The following SKAP2 variants were observed in gnomAD, a reference collection of about 807,000 sequenced individuals.
SKAP2 encodes src kinase associated phosphoprotein 2.
Under a neutral mutation model 54.9 loss-of-function variants are expected in SKAP2, and 28 were observed. The ratio of observed to expected loss-of-function variants is 0.51; its 90% CI spans 0.38 to 0.70. SKAP2 has a LOEUF of 0.70. SKAP2 is among the 30% of genes least tolerant of loss of function. SKAP2 has a pLI of 0.00. For synonymous variants in SKAP2, 137 were observed against 134.3 expected (o/e 1.02, Z -0.14); for missense variants, 356 against 424.1 (o/e 0.84, Z 1.41).
chr7:26,821,094 G>A (rs1056612812), intron 4 of SKAP2, among the ~76,000 whole-genome samples: 1 of 149,108 alleles, frequency 6.7e-6, no homozygotes, highest in African/African-American at 2.5e-5. Flanking sequence ...ATTTACTCAT[G>A]ACATGATGAA....
In SKAP2 at chr7:26,766,818, C is replaced by T. The variant is rs142073867; in HGVS notation, c.308-26854G>A. On this transcript the variant is annotated intron_variant, in intron 4 of 12. Transcript: ENST00000345317. ...CAGCCTTGCATCCCAGGGATGAAGC[C>T]GACTTGATCATGGTGGATAAGCTTT... Among the ~76,000 whole-genome samples, 239 of 152,194 alleles carry T rather than the reference C, an allele frequency of 1.6e-3. 2 individuals carry two copies. Among genetic ancestry groups the T allele is most frequent in the African/African-American group, 4.9e-3 (203 of 41,534 alleles).
intron 10 of SKAP2, among the ~76,000 whole-genome samples, chr7:26,688,077 T>C (rs1786687885): frequency 6.6e-6 from 1 of 151,940 alleles, no homozygotes; most frequent in Non-Finnish European, 1.5e-5. Context: ...CAAGAAGAGA[T>C]CATTGGGCAA....
At chr7:26,730,048 T>G (rs200824468) in intron 6 of SKAP2, among the ~76,000 whole-genome samples, 1 of 152,164 alleles carries the variant, frequency 6.6e-6, no homozygotes, top group Non-Finnish European at 1.5e-5. Flanking sequence ...CTCTTTCTAA[T>G]AGCTTTTGCA....
At chr7:26,842,029 T>A (rs534068303) in intron 4 of SKAP2, among the ~76,000 whole-genome samples, 1 of 151,960 alleles carries the variant, frequency 6.6e-6, no homozygotes, top group South Asian at 2.1e-4. Flanking sequence ...AAAATCTAAG[T>A]TGAAGAGAGA....
chr7:26,811,806 A>C (rs1024530627), intron 4 of SKAP2, among the ~76,000 whole-genome samples: 1 of 152,212 alleles, frequency 6.6e-6, no homozygotes, highest in African/African-American at 2.4e-5. Context: ...AAGTAATTTT[A>C]ATGTAGTAGA....
chr7:26,760,499 T>C (rs1299744439), intron 4 of SKAP2, among the ~76,000 whole-genome samples: 1 of 152,186 alleles, frequency 6.6e-6, no homozygotes, highest in Non-Finnish European at 1.5e-5. Context: ...CTATGTTTTT[T>C]CCCATACAAA....
rs540866976 is a variant in SKAP2, at chr7:26,685,394, G to A, written c.875-546C>T. Among the ~76,000 whole-genome samples the A allele has an allele frequency of 9.9e-5, 15 of 152,128 alleles. No individual in the cohort carries two copies. In the East Asian group the frequency reaches 1.9e-3, roughly 20 times the overall value. On this transcript the variant is annotated intron_variant, in intron 10 of 12. Coordinates refer to ENST00000345317, the MANE Select transcript of SKAP2 (RefSeq NM_003930.5). The stretch of plus-strand genomic sequence containing the variant: ...GAGCTGGTTAATGAAAGACAACAAC[G>A]TGGAAACGGTATAAAGAGTAATTGC...
rs997095740 is a variant in SKAP2, at chr7:26,726,078, T to A, written c.595-92A>T. 4 of 796,694 alleles carry A rather than the reference T, an allele frequency of 5.0e-6. No homozygotes were observed. In the South Asian group the frequency reaches 6.6e-5, roughly 13 times the overall value. 49.4% of individuals were successfully genotyped at this position (796,694 alleles called of 1,614,324 possible). A position where few individuals can be genotyped will look rare whatever the true frequency, so the allele number is the denominator to read the frequency against. On this transcript the variant is annotated intron_variant, in intron 7 of 12. Transcript: ENST00000345317. ...ACCATTTCTTTAAGACTATTAGTAA[T>A]TCTTTTCATGTCTAGTGGAACTTTT...
At chr7:26,760,176 A>C (rs987392551) in intron 4 of SKAP2, among the ~76,000 whole-genome samples, 1 of 152,192 alleles carries the variant, frequency 6.6e-6, no homozygotes, top group Non-Finnish European at 1.5e-5. Context: ...ATTTCAGTTC[A>C]CATATTCCAC....
intron 4 of SKAP2, among the ~76,000 whole-genome samples, chr7:26,834,433 T>C (rs1048421456): frequency 6.6e-6 from 1 of 151,568 alleles, no homozygotes; most frequent in Non-Finnish European, 1.5e-5. Flanking sequence ...ATCAAGAAAA[T>C]AGATAGACCA....
chr7:26,828,804 A>G (rs948900239), intron 4 of SKAP2, among the ~76,000 whole-genome samples: 3 of 151,992 alleles, frequency 2.0e-5, no homozygotes, highest in Admixed American at 6.6e-5. Context: ...GGGTGGGCAG[A>G]TCACCTGAGA....
chr7:26,713,510 T>C (rs976561450), intron 9 of SKAP2, among the ~76,000 whole-genome samples: 3 of 151,632 alleles, frequency 2.0e-5, no homozygotes, highest in African/African-American at 7.3e-5. Context: ...TAGGAAAGGA[T>C]AGACTGGAAA....
chr7:26,674,260 CAAGTTT>C (rs1199339658), intron 11 of SKAP2, among the ~76,000 whole-genome samples: 1 of 152,022 alleles, frequency 6.6e-6, no homozygotes, highest in African/African-American at 2.4e-5. Context: ...TAAAATACAG[CAAGTTT>C]AAGAACCAAT....
chr7:26,805,462 T>A (rs951783336), intron 4 of SKAP2, among the ~76,000 whole-genome samples: 1 of 152,148 alleles, frequency 6.6e-6, no homozygotes, highest in Non-Finnish European at 1.5e-5. Flanking sequence ...AAGGACAGAA[T>A]GTGGCTAAAG....
chr7:26,861,295 T>C (rs1785266751), intron 1 of SKAP2, among the ~76,000 whole-genome samples: 1 of 152,076 alleles, frequency 6.6e-6, no homozygotes, highest in Admixed American at 6.5e-5. Context: ...AATATTTGGA[T>C]GTGAGAGAAG....
intron 7 of SKAP2, 46 bp downstream of exon 7, chr7:26,726,830 GAAATCA>G: frequency 6.8e-7 from 1 of 1,468,060 alleles, no homozygotes; most frequent in Non-Finnish European, 9.3e-7. Context: ...CTCTATAAAT[GAAATCA>G]AAACATTTTA....
At chr7:26,800,566 T>C (rs940124775) in intron 4 of SKAP2, among the ~76,000 whole-genome samples, 3 of 152,046 alleles carry the variant, frequency 2.0e-5, no homozygotes, top group Non-Finnish European at 2.9e-5. Context: ...AACCAAAAAG[T>C]TGGTTTTTTG....
At chr7:26,743,856 C>A (rs1270429291) in intron 4 of SKAP2, among the ~76,000 whole-genome samples, 2 of 152,072 alleles carry the variant, frequency 1.3e-5, no homozygotes, top group Non-Finnish European at 2.9e-5. Flanking sequence ...ATATTCCCAG[C>A]AATTCAGGGA....
At chr7:26,851,868 C>T (rs530622836) in intron 3 of SKAP2, among the ~76,000 whole-genome samples, 33 of 151,958 alleles carry the variant, frequency 2.2e-4, no homozygotes, top group East Asian at 1.2e-3. Context: ...AATTAATAAC[C>T]GACTTATTAG....
Sources: allele counts gnomAD v4.1 joint callset (sites outside exome capture counted in the v4.1 genomes callset), GRCh38; gene constraint gnomAD v4.1.1; transcripts MANE v1.5; gene names NCBI Gene and HGNC (gene_info 2026-07-23, HGNC 2026-07-21).